The following ZNF516 variants were observed in gnomAD, a reference collection of about 807,000 sequenced individuals.
ZNF516 encodes the protein zinc finger protein 516.
ZNF516 carries 19 observed loss-of-function variants against 79.7 expected under a neutral mutation model. That is an observed-to-expected ratio of 0.24 (90% CI 0.17 to 0.35). The LOEUF (loss-of-function observed/expected upper bound fraction) is 0.35, where lower values mean the gene tolerates loss of function less well. ZNF516 is among the 10% of genes least tolerant of loss of function. ZNF516 has a pLI of 1.00. For synonymous variants in ZNF516, 877 were observed against 739.5 expected (o/e 1.19, Z -3.02); for missense variants, 1,678 against 1,679.5 (o/e 1.00, Z 0.02).
chr18:76,446,954 C>T (rs1198185938), intron 2 of ZNF516, among the ~76,000 whole-genome samples: 2 of 152,202 alleles, frequency 1.3e-5, no homozygotes, highest in East Asian at 1.9e-4. Context: ...CTGAAGGACA[C>T]GTGAGCAAAG....
At chr18:76,490,626 T>A (rs927352454) in intron 1 of ZNF516, 2 of 338,610 alleles carry the variant, frequency 5.9e-6, no homozygotes, top group African/African-American at 4.5e-5. Context: ...TTTTCTTTAA[T>A]AGTATTTACT....
chr18:76,366,738 A>C (rs1301935014), intron 6 of ZNF516, among the ~76,000 whole-genome samples: 1 of 152,226 alleles, frequency 6.6e-6, no homozygotes, highest in Non-Finnish European at 1.5e-5. Flanking sequence ...TTTTAGACTA[A>C]ATGACAAGAG....
At chr18:76,377,578 T>C (rs592921) in intron 4 of ZNF516, among the ~76,000 whole-genome samples, 134,609 of 152,282 alleles carry the variant, frequency 0.88, 59,688 homozygotes, top group Middle Eastern at 0.93. Context: ...ACGGTGGATC[T>C]GGGGAGGCTG....
chr18:76,494,778 C>G (rs1013846783), intron 1 of ZNF516, among the ~76,000 whole-genome samples: 14 of 151,810 alleles, frequency 9.2e-5, no homozygotes, highest in Non-Finnish European at 4.4e-5. Flanking sequence ...CATCCGAGCT[C>G]CCCTCCTCCC....
chr18:76,427,924 T>A (rs1479552537), intron 3 of ZNF516, among the ~76,000 whole-genome samples: 2 of 152,216 alleles, frequency 1.3e-5, no homozygotes, highest in Non-Finnish European at 2.9e-5. Flanking sequence ...TTTTTTTGTT[T>A]CATAAAGGCA....
chr18:76,438,714 A>C (rs2075777468), intron 3 of ZNF516, among the ~76,000 whole-genome samples: 1 of 152,252 alleles, frequency 6.6e-6, no homozygotes, highest in African/African-American at 2.4e-5. Flanking sequence ...TCTTTCACTT[A>C]ATCTAATAAT....
At chr18:76,484,623 G>A (rs990016969) in intron 1 of ZNF516, among the ~76,000 whole-genome samples, 2 of 152,132 alleles carry the variant, frequency 1.3e-5, no homozygotes, top group South Asian at 2.1e-4. Context: ...TCCCCTGGAC[G>A]GGATTTAAGG....
intron 1 of ZNF516, among the ~76,000 whole-genome samples, chr18:76,477,988 A>G (rs1027585722): frequency 3.3e-5 from 5 of 152,212 alleles, no homozygotes; most frequent in African/African-American, 1.2e-4. Context: ...GATGAAATAC[A>G]CTTTGTTCCA....
chr18:76,490,393 C>T (rs775676057), intron 1 of ZNF516, among the ~76,000 whole-genome samples: 2 of 152,186 alleles, frequency 1.3e-5, no homozygotes, highest in Non-Finnish European at 2.9e-5. Flanking sequence ...ACGACATAAT[C>T]AAAGAATGCA....
chr18:76,443,067 C>T lies in ZNF516; in HGVS notation c.-13G>A, dbSNP rs773295014. 52 of 1,570,920 alleles carry T rather than the reference C, an allele frequency of 3.3e-5. No individual in the cohort carries two copies. Among genetic ancestry groups the T allele is most frequent in the Non-Finnish European group, 4.2e-5 (49 of 1,165,286 alleles). On this transcript the variant is annotated 5_prime_UTR_variant, in exon 3 of 7. Transcript: ENST00000443185. ...TGTTGCGATCCATCCGAAGGACGGG[C>T]GCGGCCGGTGGTGGCGGCACAGCTT... is the stretch of plus-strand genomic sequence containing the variant.
At chr18:76,487,412 C>A (rs1914891618) in intron 1 of ZNF516, among the ~76,000 whole-genome samples, 1 of 152,120 alleles carries the variant, frequency 6.6e-6, no homozygotes, top group Non-Finnish European at 1.5e-5. Flanking sequence ...GCATTTATAG[C>A]CCCTATAAAT....
chr18:76,474,064 A>C (rs1398996807), intron 1 of ZNF516, among the ~76,000 whole-genome samples: 2 of 152,156 alleles, frequency 1.3e-5, no homozygotes, highest in East Asian at 3.9e-4. Context: ...TACACTTTTA[A>C]GTCAAATAAC....
chr18:76,399,508 C>T (rs1050948953), intron 3 of ZNF516, among the ~76,000 whole-genome samples: 8 of 152,214 alleles, frequency 5.3e-5, no homozygotes, highest in Admixed American at 1.3e-4. Context: ...CAAAAACTTA[C>T]TCAAATGTAA....
rs114380270 is a variant in ZNF516 at position 76,456,937 on chromosome 18, G to A, written c.-158+6091C>T. On this transcript the variant is annotated intron_variant, in intron 2 of 6. Transcript: ENST00000443185. ...ATTAAATATGCATCTGTTATATTGT[G>A]CTGTGAGGCTGGGTAAATCACGCAC... Among the ~76,000 whole-genome samples the A allele has an allele frequency of 9.7e-3, 1,478 of 152,284 alleles. 25 individuals carry two copies. The highest frequency in any genetic ancestry group is 0.034 in the African/African-American group (1,403 of 41,542).
chr18:76,414,568 ATCAAAAT>A (rs1204966280), intron 3 of ZNF516, among the ~76,000 whole-genome samples: 4 of 152,222 alleles, frequency 2.6e-5, no homozygotes, highest in Non-Finnish European at 5.9e-5. Flanking sequence ...ACTACTGTCG[ATCAAAAT>A]TCTCTTTTCA....
chr18:76,426,391 T>C (rs2145422730), intron 3 of ZNF516, among the ~76,000 whole-genome samples: 1 of 152,286 alleles, frequency 6.6e-6, no homozygotes, highest in African/African-American at 2.4e-5. Flanking sequence ...GAACATAACC[T>C]ACCAGAAAAG....
At chr18:76,485,753 C>G (rs1460423894) in intron 1 of ZNF516, among the ~76,000 whole-genome samples, 1 of 151,888 alleles carries the variant, frequency 6.6e-6, no homozygotes, top group Non-Finnish European at 1.5e-5. Flanking sequence ...GTAAACAAAA[C>G]ACAGCCTAAG....
At chr18:76,423,061 TG>T (rs2075528307) in intron 3 of ZNF516, among the ~76,000 whole-genome samples, 2 of 152,144 alleles carry the variant, frequency 1.3e-5, no homozygotes, top group African/African-American at 4.8e-5. Flanking sequence ...GACTCTCACC[TG>T]GAACACTCGG....
In ZNF516 at chr18:76,442,502, G is replaced by T. The variant is rs1238657005; in HGVS notation, c.553C>A (p.Arg185Ser). ...ACGTGCAGCTCCAGGTCCTTCTTAC[G>T]CTCGAACTGGCTCTTGCAGAAGGAG... ...QCSFCKSQFE[R>S]KKDLELHVHQ... is the part of the protein sequence containing the mutation. The change falls in exon 3 of 7, where the codon CGT becomes AGT. Residue 185 changes from arginine to serine, a missense_variant. Transcript: ENST00000443185. 3 of 1,601,720 alleles carry T rather than the reference G, an allele frequency of 1.9e-6. No individual in the cohort carries two copies. The highest frequency in any genetic ancestry group is 1.7e-6 in the Non-Finnish European group (2 of 1,179,604).
Sources: allele counts gnomAD v4.1 joint callset (sites outside exome capture counted in the v4.1 genomes callset), GRCh38; gene constraint gnomAD v4.1.1; transcripts MANE v1.5; gene names NCBI Gene and HGNC (gene_info 2026-07-23, HGNC 2026-07-21).